Variants in SNX14 observed in about 807,000 individuals in gnomAD.
SNX14 encodes the protein sorting nexin 14.
Under a neutral mutation model 133.8 loss-of-function variants are expected in SNX14, and 93 were observed. The ratio of observed to expected loss-of-function variants is 0.70; its 90% confidence interval spans 0.59 to 0.83. The LOEUF (loss-of-function observed/expected upper bound fraction) is 0.83, where lower values mean the gene tolerates loss of function less well. SNX14 is among the 40% of genes least tolerant of loss of function. The pLI is 0.00. For synonymous variants in SNX14, 368 were observed against 365.6 expected (o/e 1.01, Z -0.07); for missense variants, 945 against 1,094.9 (o/e 0.86, Z 1.93).
intron 1 of SNX14, among the ~76,000 whole-genome samples, chr6:85,585,150 C>G (rs1800316317): frequency 1.3e-5 from 2 of 152,084 alleles, no homozygotes. Flanking sequence ...AAACCAAACA[C>G]TGCATGTTCT....
chr6:85,517,311 G>A (rs932708097), intron 23 of SNX14, among the ~76,000 whole-genome samples: 1 of 152,228 alleles, frequency 6.6e-6, no homozygotes, highest in Non-Finnish European at 1.5e-5. Context: ...TTGAGGACAA[G>A]GAATGTATCC....
At chr6:85,556,057 T>C (rs1789653918) in intron 7 of SNX14, among the ~76,000 whole-genome samples, 1 of 152,154 alleles carries the variant, frequency 6.6e-6, no homozygotes, top group African/African-American at 2.4e-5. Flanking sequence ...GTATCAATAT[T>C]GGTACATTGA....
intron 19 of SNX14, among the ~76,000 whole-genome samples, chr6:85,528,769 A>C (rs895524375): frequency 6.6e-6 from 1 of 152,164 alleles, no homozygotes; most frequent in Non-Finnish European, 1.5e-5. Context: ...TTAAAATCAC[A>C]ATGTAGGCTG....
At position 85,543,276 on chromosome 6, in the gene SNX14, T is replaced by G. The variant is rs1323166555; in HGVS notation, c.1295A>C (p.Lys432Thr). ...AAAAAGACATCTCATAGTTTGAAGT[T>G]TCACAACATCTATGTATGGGCCTTC... ...IAEGPYIDVV[K>T]LQTMRCLFEA... The change falls in exon 14 of 29, where the codon AAA becomes ACA. Residue 432 changes from lysine (K) to threonine (T), a missense_variant. Around this residue, in one of 3 missense-constraint regions of SNX14, gnomAD observed 514 missense variants for 538.8 expected, o/e 0.95. Coordinates refer to ENST00000314673, the MANE Select transcript of SNX14 (RefSeq NM_153816.6). 1 of 1,593,712 alleles carries G rather than the reference T, an allele frequency of 6.3e-7. No homozygotes were observed. Among genetic ancestry groups the G allele is most frequent in the Non-Finnish European group, 8.5e-7 (1 of 1,173,000 alleles).
rs1447269175 is a variant in SNX14 at position 85,541,987 on chromosome 6, G to T, written c.1446C>A (p.Asn482Lys). ...AESPTRNSKL[N>K]RGSLSLDDFR... ...CAAAAACAAAACATACAACCTACCT[G>T]TTCAATTTTGAATTGCGTGTTGGTG... The change falls in exon 15 of 29, where the codon AAC becomes AAA. Residue 482 changes from asparagine (N) to lysine (K), a missense_variant and splice_region_variant. Coordinates refer to ENST00000314673, the MANE Select transcript of SNX14 (RefSeq NM_153816.6). The T allele has an allele frequency of 3.1e-6, 5 of 1,594,206 alleles. No individual in the cohort carries two copies. In the African/African-American group the frequency reaches 6.7e-5, roughly 22 times the overall value.
At chr6:85,542,898 C>G (rs1784263661) in intron 14 of SNX14, among the ~76,000 whole-genome samples, 1 of 152,094 alleles carries the variant, frequency 6.6e-6, no homozygotes, top group African/African-American at 2.4e-5. Flanking sequence ...TCCTGAGTAA[C>G]TGAGATTACA....
intron 1 of SNX14, among the ~76,000 whole-genome samples, chr6:85,583,006 C>T (rs1471032933): frequency 2.0e-5 from 3 of 152,278 alleles, no homozygotes; most frequent in East Asian, 1.9e-4. Context: ...TGATGAACAT[C>T]GATGCGAAAA....
At chr6:85,565,986 A>G (rs768524905) in intron 5 of SNX14, among the ~76,000 whole-genome samples, 4 of 152,224 alleles carry the variant, frequency 2.6e-5, no homozygotes, top group Non-Finnish European at 5.9e-5. Context: ...AATCAAAGGC[A>G]AGAAAAGAAA....
At chr6:85,565,467 T>C (rs1464784565) in intron 5 of SNX14, 48 bp from the exon 6 acceptor site, 3 of 1,372,008 alleles carry the variant, frequency 2.2e-6, no homozygotes, top group Non-Finnish European at 3.0e-6. Flanking sequence ...AGAAATACAG[T>C]TTCACCTTCT....
Position 85,593,784 on chromosome 6 carries a change from A to AC in SNX14, c.-67dup. 1 of 1,596,410 alleles carries AC rather than the reference A, an allele frequency of 6.3e-7. No individual in the cohort carries two copies. Among genetic ancestry groups the AC allele is most frequent in the Admixed American group, 1.7e-5 (1 of 58,678 alleles). On this transcript the variant is annotated 5_prime_UTR_variant, in exon 1 of 29. Coordinates refer to ENST00000314673, the MANE Select transcript of SNX14 (RefSeq NM_153816.6). ...CAGAGGTCAAGGCGACCCCCCATCC[A>AC]CACCTCGCGTCCCCGCCCCACCGAC...
At chr6:85,563,510 G>C (rs1345604912) in intron 6 of SNX14, among the ~76,000 whole-genome samples, 1 of 152,044 alleles carries the variant, frequency 6.6e-6, no homozygotes, top group Non-Finnish European at 1.5e-5. Context: ...TCCTGCCTTG[G>C]CCTCCTGAGT....
At chr6:85,518,851 C>T (rs1169313637) in intron 21 of SNX14, among the ~76,000 whole-genome samples, 1 of 152,150 alleles carries the variant, frequency 6.6e-6, no homozygotes, top group Non-Finnish European at 1.5e-5. Context: ...TATATGGTTT[C>T]ATCCTATGCT....
chr6:85,558,605 G>T (rs1175213719), intron 6 of SNX14, among the ~76,000 whole-genome samples: 1 of 152,056 alleles, frequency 6.6e-6, no homozygotes, highest in Non-Finnish European at 1.5e-5. Context: ...GGGAATACAG[G>T]CGCATGCCAC....
chr6:85,565,278 T>C, intron 6 of SNX14, 54 bp downstream of exon 6: 2 of 1,170,210 alleles, frequency 1.7e-6, no homozygotes, highest in Non-Finnish European at 2.4e-6. Flanking sequence ...TTTAAATCTC[T>C]TTCATTAAAT....
intron 4 of SNX14, 39 bp from the exon 5 acceptor site, chr6:85,567,616 A>G: frequency 1.4e-6 from 2 of 1,381,814 alleles, no homozygotes; most frequent in Non-Finnish European, 1.9e-6. Context: ...AATAAAATTA[A>G]TTAGTTTTTG....
intron 21 of SNX14, among the ~76,000 whole-genome samples, chr6:85,523,872 T>C (rs1030447410): frequency 7.2e-5 from 11 of 152,162 alleles, no homozygotes; most frequent in African/African-American, 2.7e-4. Context: ...AATTACACGT[T>C]GGTTCTGAAA....
intron 17 of SNX14, among the ~76,000 whole-genome samples, chr6:85,534,876 A>T (rs893815657): frequency 4.0e-5 from 6 of 150,454 alleles, no homozygotes; most frequent in Admixed American, 6.6e-5. Flanking sequence ...TATTAATAGA[A>T]GCGGTTTCTG....
At chr6:85,515,385 C>G (rs1316397172) in intron 23 of SNX14, among the ~76,000 whole-genome samples, 1 of 150,666 alleles carries the variant, frequency 6.6e-6, no homozygotes, top group Non-Finnish European at 1.5e-5. Context: ...CCCACAAAGG[C>G]CTAATCAATG....
intron 26 of SNX14, among the ~76,000 whole-genome samples, chr6:85,509,735 G>T (rs922168606): frequency 6.6e-6 from 1 of 151,952 alleles, no homozygotes; most frequent in African/African-American, 2.4e-5. Flanking sequence ...ACGTTCTGTG[G>T]GTCTGGACAA....
Sources: gnomAD v4.1 joint callset for allele counts (sites outside exome capture counted in the v4.1 genomes callset) on GRCh38, gnomAD v4.1.1 for gene constraint, gnomAD v4.1.1 regional missense constraint, MANE v1.5 for transcripts, NCBI Gene and HGNC (gene_info 2026-07-23, HGNC 2026-07-21) for gene names.